ITSN2: variants seen among roughly 807,000 people sequenced by gnomAD.
ITSN2 encodes the protein intersectin-2.
ITSN2 carries 156 observed loss-of-function variants against 243.7 expected under a neutral mutation model. The observed-to-expected ratio is 0.64, with a 90% CI of 0.56 to 0.73. ITSN2 has a LOEUF of 0.73. Among genes scored for constraint, ITSN2 ranks in the 30% least tolerant of loss-of-function variants. ITSN2 has a pLI of 0.00. For missense variants in ITSN2, 1,801 were observed against 1,996.1 expected (o/e 0.90, Z 1.86); for synonymous variants, 703 against 699.9 (o/e 1.00, Z -0.07).
At chr2:24,282,134 C>T (rs549742668) in intron 17 of ITSN2, among the ~76,000 whole-genome samples, 8 of 152,314 alleles carry the variant, frequency 5.3e-5, no homozygotes, top group African/African-American at 1.9e-4. Context: ...TGGCCTGCCA[C>T]GCCACCATCC....
upstream of ITSN2, chr2:24,360,637 C>G (rs1688895379): frequency 6.6e-6 from 1 of 152,308 alleles, no homozygotes; most frequent in African/African-American, 2.4e-5. Flanking sequence ...CCGAAACTGC[C>G]CGGGCGTGGC....
At chr2:24,341,494 A>G (rs1457601351) in intron 1 of ITSN2, among the ~76,000 whole-genome samples, 2 of 152,214 alleles carry the variant, frequency 1.3e-5, no homozygotes, top group Admixed American at 1.3e-4. Flanking sequence ...AGACTCAGCT[A>G]TTAGTGTTGG....
chr2:24,208,343 G>T, intron 36 of ITSN2, 24 bp from the exon 37 acceptor site: 1 of 1,593,092 alleles, frequency 6.3e-7, no homozygotes, highest in Non-Finnish European at 8.6e-7. Flanking sequence ...AGGGGCAGCC[G>T]TTGGCCGCAT....
intron 1 of ITSN2, among the ~76,000 whole-genome samples, chr2:24,339,449 C>T (rs933401079): frequency 4.9e-5 from 7 of 143,010 alleles, no homozygotes; most frequent in Non-Finnish European, 9.0e-5. Flanking sequence ...CCAGCCTGAG[C>T]GACAGAGTGA....
intron 1 of ITSN2, among the ~76,000 whole-genome samples, chr2:24,356,055 C>T (rs1262803073): frequency 6.6e-6 from 1 of 152,100 alleles, no homozygotes; most frequent in East Asian, 1.9e-4. Flanking sequence ...CAAAAATTAG[C>T]TGGGCATGGT....
intron 1 of ITSN2, among the ~76,000 whole-genome samples, chr2:24,352,040 T>C (rs1688066156): frequency 6.6e-6 from 1 of 152,214 alleles, no homozygotes; most frequent in Non-Finnish European, 1.5e-5. Flanking sequence ...TTGTTCAATT[T>C]TATTATTATT....
At chr2:24,327,422 C>T (rs890353153) in intron 2 of ITSN2, among the ~76,000 whole-genome samples, 5 of 151,866 alleles carry the variant, frequency 3.3e-5, no homozygotes, top group African/African-American at 1.2e-4. Context: ...CCTCAACCTC[C>T]CAAGCAGCTG....
intron 34 of ITSN2, 22 bp from the exon 35 acceptor site, chr2:24,210,055 A>G (rs375167185): frequency 5.1e-6 from 8 of 1,581,408 alleles, no homozygotes; most frequent in East Asian, 2.2e-5. Context: ...AGAAAATTTC[A>G]CTTTTTAAAT....
chr2:24,354,121 A>G (rs984140304), intron 1 of ITSN2, among the ~76,000 whole-genome samples: 2 of 152,212 alleles, frequency 1.3e-5, no homozygotes, highest in African/African-American at 4.8e-5. Context: ...CCTACACTAC[A>G]AGTTGTTACA....
intron 12 of ITSN2, among the ~76,000 whole-genome samples, chr2:24,299,200 T>C (rs545920325): frequency 6.6e-6 from 1 of 152,108 alleles, no homozygotes; most frequent in East Asian, 1.9e-4. Flanking sequence ...ACCTGGCTAA[T>C]TTTTGTACTT....
intron 29 of ITSN2, chr2:24,241,957 T>C (rs1472657114): frequency 6.6e-6 from 1 of 152,566 alleles, no homozygotes; most frequent in African/African-American, 2.4e-5. Flanking sequence ...AGAAAAATGC[T>C]AAAGATGCCA....
At chr2:24,327,217 G>T (rs953378703) in intron 2 of ITSN2, among the ~76,000 whole-genome samples, 1 of 151,952 alleles carries the variant, frequency 6.6e-6, no homozygotes, top group African/African-American at 2.4e-5. Flanking sequence ...TAGTATTTGG[G>T]AAAAGAATTA....
intron 5 of ITSN2, among the ~76,000 whole-genome samples, chr2:24,311,118 C>T (rs1683214664): frequency 6.6e-6 from 1 of 152,034 alleles, no homozygotes; most frequent in African/African-American, 2.4e-5. Context: ...CACATACTCC[C>T]CCCAAACAAA....
intron 20 of ITSN2, among the ~76,000 whole-genome samples, chr2:24,265,256 T>C (rs1455870949): frequency 6.6e-6 from 1 of 152,266 alleles, no homozygotes; most frequent in Non-Finnish European, 1.5e-5. Flanking sequence ...TATCTTTCCA[T>C]TTATTTCGGA....
chr2:24,282,108 T>C (rs1181247009), intron 17 of ITSN2, among the ~76,000 whole-genome samples: 1 of 152,190 alleles, frequency 6.6e-6, no homozygotes, highest in Non-Finnish European at 1.5e-5. Context: ...AAATGTTGCA[T>C]CTTCCAAGAC....
At chr2:24,313,135 G>A (rs1475881901) in intron 4 of ITSN2, among the ~76,000 whole-genome samples, 2 of 149,460 alleles carry the variant, frequency 1.3e-5, no homozygotes, top group African/African-American at 4.9e-5. Context: ...CCAGGCTAGG[G>A]TGCAGTGACA....
intron 18 of ITSN2, 41 bp from the exon 19 acceptor site, chr2:24,271,982 AT>A: frequency 7.2e-7 from 1 of 1,393,768 alleles, no homozygotes; most frequent in Non-Finnish European, 9.6e-7. Context: ...TGTCCTAGAA[AT>A]TTTTTACACT....
At chr2:24,320,375 C>A (rs529725027) in intron 2 of ITSN2, among the ~76,000 whole-genome samples, 1 of 149,748 alleles carries the variant, frequency 6.7e-6, no homozygotes, top group Admixed American at 6.7e-5. Flanking sequence ...AAAAATTAGC[C>A]GGGCGCGGTG....
chr2:24,258,175 G>T, intron 22 of ITSN2, 82 bp from the exon 23 acceptor site: 1 of 1,003,016 alleles, frequency 1.0e-6, no homozygotes, highest in Non-Finnish European at 1.5e-6. Flanking sequence ...CATACTTACT[G>T]TTCAAACAGC....
Sources: gnomAD v4.1 joint callset for allele counts (sites outside exome capture counted in the v4.1 genomes callset) on GRCh38, gnomAD v4.1.1 for gene constraint, MANE v1.5 for transcripts, NCBI Gene and HGNC (gene_info 2026-07-23, HGNC 2026-07-21) for gene names.